The following TMEM123 variants were observed in gnomAD, a reference collection of about 807,000 sequenced individuals.
TMEM123 encodes the protein transmembrane protein 123, also known as porimin.
Under a neutral mutation model 19.7 loss-of-function variants are expected in TMEM123, and 16 were observed. That is an observed-to-expected ratio of 0.81 (90% CI 0.55 to 1.23). The LOEUF (loss-of-function observed/expected upper bound fraction) is 1.23. Ranked by LOEUF, TMEM123 falls within the 50% of genes most tolerant of loss-of-function variation. TMEM123 has a pLI of 0.00. For missense variants in TMEM123, 313 were observed against 257.8 expected (o/e 1.21, Z -1.47); for synonymous variants, 118 against 99.4 (o/e 1.19, Z -1.12).
chr11:102,419,959 G>T (rs961975636), intron 2 of TMEM123, among the ~76,000 whole-genome samples: 1 of 152,194 alleles, frequency 6.6e-6, no homozygotes, highest in Non-Finnish European at 1.5e-5. Context: ...AAGCAACTCA[G>T]AACTTTTATA....
At chr11:102,427,526 G>C (rs1186479542) in intron 2 of TMEM123, among the ~76,000 whole-genome samples, 7 of 143,006 alleles carry the variant, frequency 4.9e-5, no homozygotes, top group African/African-American at 1.8e-4. Context: ...TCAGCTCACT[G>C]CAACAGGGAG....
intron 2 of TMEM123, among the ~76,000 whole-genome samples, chr11:102,409,926 G>A (rs559071463): frequency 2.4e-4 from 36 of 150,180 alleles, no homozygotes; most frequent in African/African-American, 8.6e-4. Context: ...AGAGAAAACT[G>A]AGCTTAAAAA....
chr11:102,415,054 G>T (rs1026410103), intron 2 of TMEM123, among the ~76,000 whole-genome samples: 4 of 152,104 alleles, frequency 2.6e-5, no homozygotes, highest in African/African-American at 9.7e-5. Flanking sequence ...TCTTATTTCA[G>T]ACAAACTTTA....
At chr11:102,399,401 C>T (rs1591551817) in intron 4 of TMEM123, among the ~76,000 whole-genome samples, 1 of 152,102 alleles carries the variant, frequency 6.6e-6, no homozygotes, top group Admixed American at 6.5e-5. Flanking sequence ...CCCGTGATCG[C>T]ACCACTGCAC....
chr11:102,443,525 T>C (rs1051433602), intron 2 of TMEM123, among the ~76,000 whole-genome samples: 4 of 151,522 alleles, frequency 2.6e-5, no homozygotes, highest in African/African-American at 7.2e-5. Context: ...CCCTTCCTTA[T>C]ACATTATACA....
intron 2 of TMEM123, among the ~76,000 whole-genome samples, chr11:102,438,405 T>C (rs1039667124): frequency 3.9e-5 from 6 of 152,214 alleles, no homozygotes; most frequent in African/African-American, 1.4e-4. Context: ...TACTTCCTTA[T>C]AGTCTACGTC....
intron 2 of TMEM123, among the ~76,000 whole-genome samples, chr11:102,425,069 T>C (rs558979676): frequency 6.6e-6 from 1 of 152,248 alleles, no homozygotes; most frequent in Non-Finnish European, 1.5e-5. Context: ...GATGATAGCA[T>C]ATGTGTCTAA....
intron 2 of TMEM123, among the ~76,000 whole-genome samples, chr11:102,417,794 A>AT (rs1400135953): frequency 6.6e-6 from 1 of 152,218 alleles, no homozygotes; most frequent in Non-Finnish European, 1.5e-5. Context: ...AGAAACTGAT[A>AT]CACGGAACAA....
chr11:102,402,489 AG>A (rs1326976345), intron 2 of TMEM123, among the ~76,000 whole-genome samples: 1 of 152,026 alleles, frequency 6.6e-6, no homozygotes, highest in Non-Finnish European at 1.5e-5. Flanking sequence ...CCCTCAGTGC[AG>A]GGACATGTCT....
intron 2 of TMEM123, among the ~76,000 whole-genome samples, chr11:102,425,122 G>T (rs1952115527): frequency 6.6e-6 from 1 of 152,170 alleles, no homozygotes; most frequent in East Asian, 1.9e-4. Context: ...CAGCACCCAG[G>T]AATATCAGAA....
chr11:102,420,874 C>T (rs1399564601), intron 2 of TMEM123, among the ~76,000 whole-genome samples: 2 of 152,214 alleles, frequency 1.3e-5, no homozygotes, highest in East Asian at 3.9e-4. Flanking sequence ...ATGGTGAAAC[C>T]CTGTCTCTGC....
intron 1 of TMEM123, chr11:102,452,251 A>C (rs2135869878): frequency 2.8e-6 from 1 of 350,892 alleles, no homozygotes; most frequent in African/African-American, 2.1e-5. Context: ...GTAACTCAAC[A>C]GGTTATGCGC....
At chr11:102,433,580 T>C (rs1296508471) in intron 2 of TMEM123, among the ~76,000 whole-genome samples, 1 of 151,902 alleles carries the variant, frequency 6.6e-6, no homozygotes, top group Non-Finnish European at 1.5e-5. Context: ...TTTGGGTTAA[T>C]GCTGGAATGA....
In TMEM123 at chr11:102,452,756, C is replaced by T. The variant is rs942196438; in HGVS notation, c.-133G>A. 1.1e-5 allele frequency: 7 copies of T among 648,798 alleles called. No homozygotes were observed. Among genetic ancestry groups the T allele is most frequent in the Non-Finnish European group, 1.6e-5 (7 of 443,660 alleles). The allele number at this position is 648,798 out of a possible 1,614,324, so 40.2% of individuals were successfully genotyped here. A position where few individuals can be genotyped will look rare whatever the true frequency, so the allele number is the denominator to read the frequency against. ...CGCACGTTTCCCCTCCCGCCGCTTG[C>T]CCCCCGAATGACCAAATAGGGCGCA... On this transcript the variant is annotated 5_prime_UTR_variant, in exon 1 of 5. Transcript: ENST00000398136.
At chr11:102,444,622 G>A (rs1857862960) in intron 2 of TMEM123, among the ~76,000 whole-genome samples, 1 of 151,864 alleles carries the variant, frequency 6.6e-6, no homozygotes, top group Admixed American at 6.6e-5. Flanking sequence ...ACACCAACAT[G>A]GCATATGTAT....
intron 2 of TMEM123, among the ~76,000 whole-genome samples, chr11:102,416,470 G>A (rs552425642): frequency 6.6e-6 from 1 of 152,090 alleles, no homozygotes; most frequent in Admixed American, 6.5e-5. Flanking sequence ...AGAAGAAACT[G>A]AAACCCTGAA....
In TMEM123 at chr11:102,452,602, C is replaced by A; in HGVS notation, c.22G>T (p.Ala8Ser). MGLGARG[A>S]WAALLLGTLQ... ...GTCCCCAGGAGCAGCGCGGCCCAAG[C>A]ACCTCGCGCGCCGAGTCCCATTGTT... is the stretch of plus-strand genomic sequence containing the variant. Residue 8 changes from alanine to serine, a missense_variant, in exon 1 of 5, where the codon GCT becomes TCT. By Grantham distance (99) the Ala-to-Ser change is moderately conservative (BLOSUM62 1). Coordinates refer to ENST00000398136, the MANE Select transcript of TMEM123 (RefSeq NM_052932.3). The A allele has an allele frequency of 6.4e-7, 1 of 1,560,938 alleles. No homozygotes were observed. The highest frequency in any genetic ancestry group is 1.2e-5 in the South Asian group (1 of 86,392).
chr11:102,448,857 T>C lies in TMEM123; in HGVS notation c.112A>G (p.Ile38Val), dbSNP rs1857910072. 6.2e-7 allele frequency: 1 copy of C among 1,613,752 alleles called. No individual in the cohort carries two copies. The highest frequency in any genetic ancestry group is 8.5e-7 in the Non-Finnish European group (1 of 1,179,730). Residue 38 changes from isoleucine to valine, a missense_variant, in exon 2 of 5, where the codon ATA becomes GTA. Coordinates refer to ENST00000398136, the MANE Select transcript of TMEM123 (RefSeq NM_052932.3). The stretch of plus-strand genomic sequence containing the variant: ...TTGTGTGGAAGCCCAGAATTCTCTA[T>C]GTTTGCAGATGCTGTAAAAATAAAG... ...ESAAMAASAN[I>V]ENSGLPHNSS...
At position 102,401,566 on chromosome 11, in the gene TMEM123, G is replaced by C; in HGVS notation, c.575C>G (p.Ser192Ter). Reference protein sequence around the residue: ...ILYIGCKMYYSRRGIRYRTID... With the variant: ...ILYIGCKMYY ...GGTTCGATACCGAATGCCTCTTCTT[G>C]AGTAATACATTTTGCATCCAATGTA... Residue 192 changes from serine to a stop codon, truncating the protein, a stop_gained, in exon 4 of 5, where the codon TCA (serine) becomes TGA (stop). Transcript: ENST00000398136. LOFTEE classifies it high-confidence loss of function. The C allele has an allele frequency of 1.3e-6, 2 of 1,591,002 alleles. No individual in the cohort carries two copies. Among genetic ancestry groups the C allele is most frequent in the Non-Finnish European group, 1.7e-6 (2 of 1,174,318 alleles).
Sources: allele counts gnomAD v4.1 joint callset (sites outside exome capture counted in the v4.1 genomes callset), GRCh38; gene constraint gnomAD v4.1.1; transcripts MANE v1.5; gene names NCBI Gene and HGNC (gene_info 2026-07-23, HGNC 2026-07-21).